Variants in SDK2 observed in about 807,000 individuals in gnomAD.
The protein encoded by SDK2 is sidekick cell adhesion molecule 2, also known as protein sidekick-2.
In SDK2, 105 loss-of-function variants were observed where a neutral mutation model predicts 253.9. That is an observed-to-expected ratio of 0.41 (90% confidence interval 0.35 to 0.49). SDK2 has a LOEUF of 0.49. Ranked by LOEUF, SDK2 falls within the 20% of genes least tolerant of loss-of-function variation. The pLI is 0.06. For synonymous variants in SDK2, 1,249 were observed against 1,234.9 expected (o/e 1.01, Z -0.24); for missense variants, 2,608 against 3,003.0 (o/e 0.87, Z 3.07).
At chr17:73,408,065 C>T (rs8068247) in intron 18 of SDK2, among the ~76,000 whole-genome samples, 116,744 of 128,168 alleles carry the variant, frequency 0.91, 52,808 homozygotes, top group Non-Finnish European at 0.93. Flanking sequence ...TTTTTTTTTT[C>T]TTTTGAGACA....
rs553226642 is a variant in SDK2 at position 73,497,540 on chromosome 17, C to T, written c.224+9898G>A. Among the ~76,000 whole-genome samples the T allele has an allele frequency of 1.8e-4, 27 of 152,170 alleles. No individual in the cohort carries two copies. The South Asian group carries it at 3.5e-3, about 20-fold the overall frequency. ...GTGTCTTCCCAGAAAGCTCCTTCTC[C>T]GCCTGGGATTCCTTCCTCAACCACC... On this transcript the variant is annotated intron_variant, in intron 2 of 44. Transcript: ENST00000392650.
In SDK2 at chr17:73,644,299, C is replaced by T. The variant is rs2046436642; in HGVS notation, c.-211G>A. Among the ~76,000 whole-genome samples the T allele has an allele frequency of 6.6e-6, 1 of 152,212 alleles. No individual in the cohort carries two copies. Among genetic ancestry groups the T allele is most frequent in the African/African-American group, 2.4e-5 (1 of 41,468 alleles). ...GTACTAGTCCGAGCCCGGCAGCGCG[C>T]CCGGAAGGCGAGGGGCGAGCAGGGA... On this transcript the variant is annotated 5_prime_UTR_variant, in exon 1 of 45. Coordinates refer to ENST00000392650, the MANE Select transcript of SDK2 (RefSeq NM_001144952.2). The surrounding 1 kb of genome is among the most constrained non-coding windows in gnomAD (Gnocchi z 6.3).
intron 6 of SDK2, among the ~76,000 whole-genome samples, chr17:73,439,641 C>A (rs2063398566): frequency 6.6e-6 from 1 of 152,180 alleles, no homozygotes; most frequent in African/African-American, 2.4e-5. Flanking sequence ...CAGTCTAACC[C>A]CCTGCCCATC....
In SDK2 at chr17:73,337,746, C is replaced by G. The variant is rs886674523; in HGVS notation, c.*841G>C. On this transcript the variant is annotated 3_prime_UTR_variant, in exon 45 of 45. Coordinates refer to ENST00000392650, the MANE Select transcript of SDK2 (RefSeq NM_001144952.2). ...CCAAGGCCAGTCGCCTTATTTACAC[C>G]TCTGCTCCCCAGACTTCACCTTTCC... is the stretch of plus-strand genomic sequence containing the variant. 6.6e-6 allele frequency: 1 copy of G among 152,336 alleles called. No individual in the cohort carries two copies. The highest frequency in any genetic ancestry group is 2.4e-5 in the African/African-American group (1 of 41,450). The allele number at this position is 152,336 out of a possible 1,614,324, so 9.4% of individuals were successfully genotyped here.
At chr17:73,423,644 G>T in intron 13 of SDK2, 122 bp from the exon 14 acceptor site, 2 of 1,210,546 alleles carry the variant, frequency 1.7e-6, no homozygotes, top group Non-Finnish European at 1.1e-6. Flanking sequence ...GACGTAAAAT[G>T]TGGCCTTCGG....
chr17:73,376,054 C>T (rs2062777823), intron 36 of SDK2, among the ~76,000 whole-genome samples: 1 of 151,672 alleles, frequency 6.6e-6, no homozygotes, highest in African/African-American at 2.4e-5. Context: ...ATTAGCTGGG[C>T]ATGGTGGCAG....
chr17:73,616,578 T>C lies in SDK2; in HGVS notation c.64+27447A>G, dbSNP rs899162850. Among the ~76,000 whole-genome samples, 10 of 152,284 alleles carry C rather than the reference T, an allele frequency of 6.6e-5. No individual in the cohort carries two copies. The highest frequency in any genetic ancestry group is 1.3e-4 in the Admixed American group (2 of 15,300). On this transcript the variant is annotated intron_variant, in intron 1 of 44. Transcript: ENST00000392650. This position sits in a 1 kb window ranked among gnomAD's most constrained non-coding sequence, Gnocchi z 5.2. The stretch of plus-strand genomic sequence containing the variant: ...GCAGCAGATCCTTTTTCTGGAGTAA[T>C]GGAATCTTAGTCCTGGGTGTTTGGG...
chr17:73,524,383 G>A (rs2064108637), intron 1 of SDK2, among the ~76,000 whole-genome samples: 1 of 152,066 alleles, frequency 6.6e-6, no homozygotes, highest in South Asian at 2.1e-4. Context: ...TTTTTCTGTT[G>A]CCTCCCCTCT....
chr17:73,520,017 A>G (rs997711798), intron 1 of SDK2: 1 of 152,242 alleles, frequency 6.6e-6, no homozygotes, highest in Non-Finnish European at 1.5e-5. Flanking sequence ...TCTGTGCTTT[A>G]TCATAAATAA....
intron 12 of SDK2, among the ~76,000 whole-genome samples, chr17:73,426,208 CTTTTTTTTTTTT>C (rs751417057): frequency 0.061 from 1,779 of 29,230 alleles, 40 homozygotes; most frequent in Admixed American, 0.11. Context: ...CCATGCTGGG[CTTTTTTTTTTTT>C]TTTTTTTTTT....
intron 1 of SDK2, among the ~76,000 whole-genome samples, chr17:73,546,170 C>T (rs910158898): frequency 1.8e-4 from 27 of 152,198 alleles, no homozygotes; most frequent in Admixed American, 2.6e-4. Context: ...CTGCCCCCTC[C>T]GCCTTTCTCC....
At chr17:73,339,549 T>G (rs1056435913) in intron 44 of SDK2, among the ~76,000 whole-genome samples, 1 of 152,002 alleles carries the variant, frequency 6.6e-6, no homozygotes. Context: ...TTTTTATTCT[T>G]TTTTTTGGGG....
chr17:73,385,264 C>T (rs546295659), intron 32 of SDK2, among the ~76,000 whole-genome samples: 5 of 152,306 alleles, frequency 3.3e-5, no homozygotes, highest in Admixed American at 1.3e-4. Context: ...GCAGCCTGGT[C>T]GCTGAGGTTT....
At chr17:73,387,046 C>T (rs1408014529) in intron 30 of SDK2, among the ~76,000 whole-genome samples, 2 of 152,132 alleles carry the variant, frequency 1.3e-5, no homozygotes, top group East Asian at 1.9e-4. Flanking sequence ...CTGCAACCTC[C>T]GCCTCCCGCG....
intron 39 of SDK2, among the ~76,000 whole-genome samples, chr17:73,359,064 C>A (rs1294708270): frequency 6.6e-6 from 1 of 152,086 alleles, no homozygotes; most frequent in Non-Finnish European, 1.5e-5. Context: ...GCTGTCACCT[C>A]CAATCCTGCT....
In SDK2 at chr17:73,393,757, G is replaced by A; in HGVS notation, c.3709-8C>T. On this transcript the variant is annotated splice_region_variant and splice_polypyrimidine_tract_variant and intron_variant, in intron 26 of 44. Transcript: ENST00000392650. ...CTTCTCCTTATACATCACCTGTCAG[G>A]GCCCAGCACAGGGTGAGGGCCTCAG... 2.6e-6 allele frequency: 4 copies of A among 1,555,248 alleles called. No homozygotes were observed. Among genetic ancestry groups the A allele is most frequent in the Non-Finnish European group, 1.8e-6 (2 of 1,141,602 alleles).
At chr17:73,346,984 C>T (rs573023460) in intron 44 of SDK2, among the ~76,000 whole-genome samples, 1 of 152,350 alleles carries the variant, frequency 6.6e-6, no homozygotes, top group East Asian at 1.9e-4. Flanking sequence ...GGTGGGGGCT[C>T]CGCATTGCAG....
At chr17:73,591,506 T>C (rs1279112543) in intron 1 of SDK2, among the ~76,000 whole-genome samples, 1 of 152,188 alleles carries the variant, frequency 6.6e-6, no homozygotes, top group Non-Finnish European at 1.5e-5. Flanking sequence ...ACACTTGAAC[T>C]TCCCTTCAGA....
intron 12 of SDK2, among the ~76,000 whole-genome samples, chr17:73,424,393 G>A (rs569162793): frequency 1.1e-4 from 16 of 152,134 alleles, no homozygotes; most frequent in Non-Finnish European, 2.4e-4. Flanking sequence ...GGCCAGAAGC[G>A]CTTGCAAAAC....
Sources: gnomAD v4.1 joint callset for allele counts (sites outside exome capture counted in the v4.1 genomes callset) on GRCh38, gnomAD v4.1.1 for gene constraint, Gnocchi (gnomAD v3.1) non-coding constraint, MANE v1.5 for transcripts, NCBI Gene and HGNC (gene_info 2026-07-23, HGNC 2026-07-21) for gene names.